Variants in NRXN1 observed in about 807,000 individuals in gnomAD.
NRXN1 encodes the protein neurexin-1.
A neutral mutation model predicts 150.9 loss-of-function variants in NRXN1; 39 were observed. The ratio of observed to expected loss-of-function variants is 0.26; its 90% CI spans 0.20 to 0.34. NRXN1 has a LOEUF of 0.34. Ranked by LOEUF, NRXN1 falls within the 10% of genes least tolerant of loss-of-function variation. NRXN1 has a pLI of 1.00. For missense variants in NRXN1, 1,815 were observed against 1,949.9 expected, an observed-to-expected ratio of 0.93 and a Z score of 1.30; for synonymous variants, 924 against 757.0, an observed-to-expected ratio of 1.22 and a Z score of -3.62.
intron 18 of NRXN1, among the ~76,000 whole-genome samples, chr2:50,165,409 C>CA (rs2059616158): frequency 6.6e-6 from 1 of 152,114 alleles, no homozygotes; most frequent in Non-Finnish European, 1.5e-5. Flanking sequence ...AGTGCAGTGG[C>CA]GCAATCTCAG....
intron 2 of NRXN1, among the ~76,000 whole-genome samples, chr2:50,959,252 G>A (rs137907527): frequency 1.7e-3 from 262 of 152,048 alleles, no homozygotes; most frequent in African/African-American, 6.1e-3. Context: ...TGATTCCACT[G>A]TCATATACAT....
intron 8 of NRXN1, among the ~76,000 whole-genome samples, chr2:50,563,678 G>T (rs1484947188): frequency 6.6e-6 from 1 of 152,178 alleles, no homozygotes; most frequent in Non-Finnish European, 1.5e-5. Context: ...CTGAATGTTT[G>T]CCTCCAGAGC....
At chr2:50,305,419 T>G (rs1032238296) in intron 17 of NRXN1, among the ~76,000 whole-genome samples, 1 of 152,192 alleles carries the variant, frequency 6.6e-6, no homozygotes, top group Non-Finnish European at 1.5e-5. Flanking sequence ...TTTAATATAG[T>G]CTTGTAATTC....
At chr2:50,995,855 G>A (rs985565823) in intron 2 of NRXN1, among the ~76,000 whole-genome samples, 2 of 152,066 alleles carry the variant, frequency 1.3e-5, no homozygotes, top group African/African-American at 4.8e-5. Flanking sequence ...ATCCCTGCAT[G>A]CTTTAATCTC....
At chr2:50,244,274 C>A (rs116175969) in intron 17 of NRXN1, among the ~76,000 whole-genome samples, 2 of 151,708 alleles carry the variant, frequency 1.3e-5, no homozygotes, top group African/African-American at 4.8e-5. Flanking sequence ...CATGGCTGAC[C>A]TATCTTGTCA....
chr2:50,800,112 G>T (rs1014023988), intron 5 of NRXN1, among the ~76,000 whole-genome samples: 5 of 152,148 alleles, frequency 3.3e-5, no homozygotes, highest in African/African-American at 4.8e-5. Context: ...CTCTAAGCAG[G>T]AATAACGCAC....
At chr2:50,661,257 G>A (rs572233886) in intron 5 of NRXN1, among the ~76,000 whole-genome samples, 6 of 152,074 alleles carry the variant, frequency 3.9e-5, no homozygotes, top group Admixed American at 1.3e-4. Flanking sequence ...AATCCACCAC[G>A]GAAGAAAAGG....
At chr2:50,336,267 A>T (rs1425053232) in intron 17 of NRXN1, among the ~76,000 whole-genome samples, 1 of 152,230 alleles carries the variant, frequency 6.6e-6, no homozygotes, top group East Asian at 1.9e-4. Context: ...TAAGAGACTC[A>T]AACTAGAAAG....
chr2:50,193,542 T>C (rs1400142887), intron 18 of NRXN1, among the ~76,000 whole-genome samples: 1 of 152,154 alleles, frequency 6.6e-6, no homozygotes, highest in Non-Finnish European at 1.5e-5. Flanking sequence ...TGGCAGGGCT[T>C]CTCTTCTGCT....
intron 17 of NRXN1, among the ~76,000 whole-genome samples, chr2:50,444,040 A>C (rs901595420): frequency 2.0e-5 from 3 of 152,122 alleles, no homozygotes; most frequent in African/African-American, 7.2e-5. Context: ...TGCTAACCAC[A>C]ACCTGTTCAT....
intron 12 of NRXN1, among the ~76,000 whole-genome samples, chr2:50,519,356 C>A (rs749338376): frequency 2.5e-4 from 38 of 151,852 alleles, no homozygotes; most frequent in Non-Finnish European, 4.7e-4. Flanking sequence ...CTATGATTCT[C>A]TTTGACCATT....
intron 5 of NRXN1, among the ~76,000 whole-genome samples, chr2:50,766,902 G>T (rs1425836578): frequency 6.6e-6 from 1 of 151,914 alleles, no homozygotes; most frequent in East Asian, 1.9e-4. Context: ...TTTGTTTAAA[G>T]GAATAAACTA....
At chr2:50,297,739 T>G (rs1387358648) in intron 17 of NRXN1, among the ~76,000 whole-genome samples, 2 of 152,184 alleles carry the variant, frequency 1.3e-5, no homozygotes, top group African/African-American at 4.8e-5. Context: ...CTCTAAAGTG[T>G]AATGACCATA....
chr2:50,824,156 AAGT>A (rs1375449307), intron 5 of NRXN1, among the ~76,000 whole-genome samples: 9 of 152,188 alleles, frequency 5.9e-5, no homozygotes, highest in African/African-American at 2.2e-4. Context: ...AAAAAAGAGA[AAGT>A]AGAATAAGAG....
intron 8 of NRXN1, among the ~76,000 whole-genome samples, chr2:50,614,337 A>G (rs1385822251): frequency 6.6e-6 from 1 of 152,096 alleles, no homozygotes; most frequent in African/African-American, 2.4e-5. Flanking sequence ...TTTTCCTCCA[A>G]GTTCCTGCTA....
chr2:49,943,836 C>A (rs1672435796), intron 21 of NRXN1, 45 bp from the exon 22 acceptor site: 1 of 1,326,614 alleles, frequency 7.5e-7, no homozygotes, highest in African/African-American at 1.4e-5. Context: ...AGGGTCCTAA[C>A]AGATTCTCTC....
At chr2:50,089,266 C>T (rs1332857044) in intron 19 of NRXN1, among the ~76,000 whole-genome samples, 1 of 152,114 alleles carries the variant, frequency 6.6e-6, no homozygotes, top group Non-Finnish European at 1.5e-5. Flanking sequence ...AGGCAAATGC[C>T]ACACTGCAAT....
chr2:50,273,575 T>C (rs1249570819), intron 17 of NRXN1, among the ~76,000 whole-genome samples: 1 of 152,076 alleles, frequency 6.6e-6, no homozygotes, highest in Non-Finnish European at 1.5e-5. Flanking sequence ...AAATTTGGTA[T>C]AAATTGAAGG....
chr2:50,930,183 C>T (rs1687527707), intron 2 of NRXN1, among the ~76,000 whole-genome samples: 1 of 152,030 alleles, frequency 6.6e-6, no homozygotes, highest in African/African-American at 2.4e-5. Context: ...ATGGAGTCAA[C>T]TACAACAACC....
Sources: allele counts gnomAD v4.1 joint callset (sites outside exome capture counted in the v4.1 genomes callset), GRCh38; gene constraint gnomAD v4.1.1; transcripts MANE v1.5; gene names NCBI Gene and HGNC (gene_info 2026-07-23, HGNC 2026-07-21).